PLCL1: variants seen among roughly 807,000 people sequenced by gnomAD.
The protein encoded by PLCL1 is inactive phospholipase C-like protein 1.
Under a neutral mutation model 84.4 loss-of-function variants are expected in PLCL1, and 41 were observed. That is an observed-to-expected ratio of 0.49 (90% CI 0.38 to 0.63). The LOEUF (loss-of-function observed/expected upper bound fraction) is 0.63, where lower values mean the gene tolerates loss of function less well. Among genes scored for constraint, PLCL1 ranks in the 30% least tolerant of loss-of-function variants. The pLI, the probability that PLCL1 is intolerant of heterozygous loss-of-function variation, is 0.00. For missense variants in PLCL1, 1,206 were observed against 1,367.8 expected (o/e 0.88, Z 1.87); for synonymous variants, 490 against 488.3 (o/e 1.00, Z -0.05).
rs148276199 is a variant in PLCL1, at chr2:197,878,348, A to G, written c.240+73009A>G. The stretch of plus-strand genomic sequence containing the variant: ...AACAAAGCAAGGGTGGCCTGGTAGC[A>G]GCAAGCATTTGACTTGTTACTGAAA... On this transcript the variant is annotated intron_variant, in intron 1 of 5. Coordinates refer to ENST00000428675, the MANE Select transcript of PLCL1 (RefSeq NM_006226.4). Among the ~76,000 whole-genome samples, 512 of 152,288 alleles carry G rather than the reference A, an allele frequency of 3.4e-3. 8 individuals carry two copies. Among genetic ancestry groups the G allele is most frequent in the African/African-American group, 0.012 (490 of 41,578 alleles).
chr2:197,934,604 G>GT (rs1335132676), intron 1 of PLCL1, among the ~76,000 whole-genome samples: 3 of 151,606 alleles, frequency 2.0e-5, no homozygotes, highest in Non-Finnish European at 2.9e-5. Context: ...CTCTGGATAA[G>GT]TTTTTTTTTC....
chr2:198,144,743 G>A (rs1478826117), intron 5 of PLCL1, among the ~76,000 whole-genome samples: 1 of 152,180 alleles, frequency 6.6e-6, no homozygotes, highest in Non-Finnish European at 1.5e-5. Flanking sequence ...GATTCTGGAT[G>A]CTATCTCTAA....
chr2:197,851,842 T>C (rs1294355679), intron 1 of PLCL1, among the ~76,000 whole-genome samples: 1 of 152,166 alleles, frequency 6.6e-6, no homozygotes, highest in Non-Finnish European at 1.5e-5. Context: ...CCTGGCCCCA[T>C]TCCCCTGACT....
chr2:197,913,464 A>T (rs1040065283), intron 1 of PLCL1, among the ~76,000 whole-genome samples: 7 of 152,224 alleles, frequency 4.6e-5, no homozygotes, highest in Non-Finnish European at 1.0e-4. Flanking sequence ...GTGTCATGAG[A>T]AACGATTAGG....
At chr2:197,934,140 G>A (rs1574956435) in intron 1 of PLCL1, among the ~76,000 whole-genome samples, 1 of 152,122 alleles carries the variant, frequency 6.6e-6, no homozygotes, top group African/African-American at 2.4e-5. Context: ...TGTGTTTATG[G>A]TTTCTTTCTT....
chr2:197,901,336 C>CT (rs1688263487), intron 1 of PLCL1, among the ~76,000 whole-genome samples: 1 of 152,116 alleles, frequency 6.6e-6, no homozygotes, highest in Non-Finnish European at 1.5e-5. Context: ...AATATACAAT[C>CT]TTTTTGATAC....
At chr2:198,038,185 A>C (rs10497811) in intron 1 of PLCL1, among the ~76,000 whole-genome samples, 68,838 of 151,992 alleles carry the variant, frequency 0.45, 16,162 homozygotes, top group Middle Eastern at 0.64. Context: ...ATTAAAGAGA[A>C]GACTTCACAA....
chr2:197,806,938 A>G (rs1690498498), intron 1 of PLCL1, among the ~76,000 whole-genome samples: 2 of 152,230 alleles, frequency 1.3e-5, no homozygotes, highest in African/African-American at 4.8e-5. Context: ...GCTGGTTTAT[A>G]TTCTCAGAAG....
chr2:198,060,811 A>G (rs190304991), intron 1 of PLCL1, among the ~76,000 whole-genome samples: 18 of 152,320 alleles, frequency 1.2e-4, no homozygotes, highest in African/African-American at 3.8e-4. Flanking sequence ...GGTAGATGTC[A>G]TCCCTTGAGG....
chr2:198,118,712 T>C (rs1408115428), intron 5 of PLCL1, among the ~76,000 whole-genome samples: 1 of 152,000 alleles, frequency 6.6e-6, no homozygotes, highest in Non-Finnish European at 1.5e-5. Context: ...TGCATACTCC[T>C]ATGTCAATTG....
chr2:197,985,989 C>T (rs932897531), intron 1 of PLCL1, among the ~76,000 whole-genome samples: 9 of 152,204 alleles, frequency 5.9e-5, no homozygotes, highest in Non-Finnish European at 2.9e-5. Flanking sequence ...AACCTAGTAC[C>T]TACAGAAGGG....
chr2:197,933,379 T>A (rs1283604432), intron 1 of PLCL1, among the ~76,000 whole-genome samples: 1 of 151,220 alleles, frequency 6.6e-6, no homozygotes, highest in Non-Finnish European at 1.5e-5. Context: ...TTTTCCTGCC[T>A]CAGCCTCTCA....
At chr2:197,816,025 T>G (rs1243131140) in intron 1 of PLCL1, among the ~76,000 whole-genome samples, 8 of 152,028 alleles carry the variant, frequency 5.3e-5, no homozygotes. Flanking sequence ...TTCAAGAGAG[T>G]GGGCTCCTAT....
At chr2:198,086,353 AC>A in intron 2 of PLCL1, 121 bp downstream of exon 2, 2 of 717,658 alleles carry the variant, frequency 2.8e-6, no homozygotes, top group Non-Finnish European at 2.2e-6. Context: ...GGGTGTGGTG[AC>A]TCATTCCTGT....
intron 1 of PLCL1, among the ~76,000 whole-genome samples, chr2:198,074,623 A>G (rs1692536860): frequency 6.6e-6 from 1 of 152,214 alleles, no homozygotes; most frequent in Non-Finnish European, 1.5e-5. Flanking sequence ...TGAGCGACAG[A>G]GCGAGACTCC....
At chr2:198,007,914 T>C (rs1397024727) in intron 1 of PLCL1, among the ~76,000 whole-genome samples, 1 of 152,118 alleles carries the variant, frequency 6.6e-6, no homozygotes, top group East Asian at 1.9e-4. Context: ...CACCCAAACC[T>C]AGGCTAATAC....
At chr2:198,099,703 C>T (rs572883014) in intron 3 of PLCL1, among the ~76,000 whole-genome samples, 20 of 152,144 alleles carry the variant, frequency 1.3e-4, no homozygotes, top group South Asian at 6.2e-4. Context: ...CTCTTTATGA[C>T]GTTTATTAGA....
chr2:198,043,881 C>CTTTTTTTTTT (rs397800019), intron 1 of PLCL1, among the ~76,000 whole-genome samples: 1 of 124,848 alleles, frequency 8.0e-6, no homozygotes, highest in African/African-American at 3.0e-5. Context: ...AATTCTTGTT[C>CTTTTTTTTTT]TTTTTTTTTT....
intron 1 of PLCL1, among the ~76,000 whole-genome samples, chr2:197,853,170 C>T (rs1384974412): frequency 1.3e-5 from 2 of 152,170 alleles, no homozygotes; most frequent in Non-Finnish European, 2.9e-5. Flanking sequence ...CTTTAAGGCT[C>T]ATTCGTGTGG....
Sources: allele counts gnomAD v4.1 joint callset (sites outside exome capture counted in the v4.1 genomes callset), GRCh38; gene constraint gnomAD v4.1.1; transcripts MANE v1.5; gene names NCBI Gene and HGNC (gene_info 2026-07-23, HGNC 2026-07-21).